The following RGPD4 variants were observed in gnomAD, a reference collection of about 807,000 sequenced individuals.
RGPD4 encodes the protein ranBP2-like and GRIP domain-containing protein 4.
RGPD4 carries 84 observed loss-of-function variants against 141.1 expected under a neutral mutation model. That is an observed-to-expected ratio of 0.60 (90% CI 0.50 to 0.71). The LOEUF (loss-of-function observed/expected upper bound fraction) is 0.71. Among genes scored for constraint, RGPD4 ranks in the 30% least tolerant of loss-of-function variants. RGPD4 has a pLI of 0.00. For synonymous variants in RGPD4, 298 were observed against 566.8 expected, an observed-to-expected ratio of 0.53 and a Z score of 6.74; for missense variants, 918 against 1,622.4, an observed-to-expected ratio of 0.57 and a Z score of 7.46.
At chr2:107,867,616 C>T (rs1418707529) in intron 18 of RGPD4, 1 of 633,430 alleles carries the variant, frequency 1.6e-6, no homozygotes, top group Non-Finnish European at 2.8e-6. Flanking sequence ...GTCATGATTT[C>T]CATTTCTTCT....
chr2:107,846,553 G>A (rs1272400771), intron 6 of RGPD4, among the ~76,000 whole-genome samples: 1 of 149,186 alleles, frequency 6.7e-6, no homozygotes, highest in African/African-American at 2.5e-5. Context: ...TGCAACCTCT[G>A]CTTCCCAGGT....
Position 107,859,522 on chromosome 2 carries a change from T to A in RGPD4, c.1602T>A (p.Asp534Glu), listed in dbSNP as rs1412183311. 1 of 1,611,424 alleles carries A rather than the reference T, an allele frequency of 6.2e-7. No individual in the cohort carries two copies. Among genetic ancestry groups the A allele is most frequent in the East Asian group, 2.2e-5 (1 of 44,868 alleles). The change falls in exon 11 of 23, where the codon GAT becomes GAA. Residue 534 changes from aspartate to glutamate, a missense_variant. By Grantham distance (45) the Asp-to-Glu change is conservative (BLOSUM62 2). Coordinates refer to ENST00000408999, the MANE Select transcript of RGPD4 (RefSeq NM_182588.3). Reference protein sequence around the residue: ...LCTERQKSWWDAVCTLIHRKA... With the variant: ...LCTERQKSWWEAVCTLIHRKA... Reference sequence around the variant, plus strand: ...CAGAAAGACAAAAATCTTGGTGGGATGCGGTTTGTACTCTGATTCACAGAA... The same window carrying A: ...CAGAAAGACAAAAATCTTGGTGGGAAGCGGTTTGTACTCTGATTCACAGAA...
At chr2:107,863,556 A>C (rs953736338) in intron 17 of RGPD4, among the ~76,000 whole-genome samples, 1 of 150,770 alleles carries the variant, frequency 6.6e-6, no homozygotes, top group Admixed American at 6.6e-5. Context: ...GCAGTGGTGC[A>C]ATCTTGGCTC....
rs9941564 is a variant in RGPD4 at position 107,861,622 on chromosome 2, C to A, written c.2087C>A (p.Ala696Glu). 421 of 1,610,398 alleles carry A rather than the reference C, an allele frequency of 2.6e-4. No homozygotes were observed. Among genetic ancestry groups the A allele is most frequent in the Admixed American group, 4.8e-4 (29 of 59,886 alleles). ...LIFHRKAEDI[A>E]NDALSPEEQE... ...TTTCACAGGAAGGCAGAAGACATTG[C>A]AAATGATGCCCTTTCTCCTGAAGAA... Residue 696 changes from alanine to glutamate, a missense_variant, in exon 15 of 23, where the codon GCA (alanine) becomes GAA (glutamate). Ala to Glu is a moderately radical substitution (Grantham distance 107). Transcript: ENST00000408999.
chr2:107,829,271 T>C lies in RGPD4; in HGVS notation c.72+2186T>C, dbSNP rs75471218. ...GCGCGCTCTGTTGAGGCGGCGGCCT[T>C]GACCCGGCCCGGCGGCGGCCTGGAT... is the stretch of plus-strand genomic sequence containing the variant. On this transcript the variant is annotated intron_variant, in intron 1 of 22. Transcript: ENST00000408999. Among the ~76,000 whole-genome samples, 57 of 20,516 alleles carry C rather than the reference T, an allele frequency of 2.8e-3. 6 individuals carry two copies. In the East Asian group the frequency reaches 0.031, roughly 11 times the overall value. 13.5% of individuals were successfully genotyped at this position (20,516 alleles called of 152,430 possible).
At chr2:107,869,605 ACTTTCTT>A (rs1188668002) in intron 18 of RGPD4, among the ~76,000 whole-genome samples, 1 of 144,092 alleles carries the variant, frequency 6.9e-6, no homozygotes, top group African/African-American at 2.6e-5. Flanking sequence ...GGCAACAGTT[ACTTTCTT>A]CTTTATTCCT....
Position 107,892,446 on chromosome 2 carries a change from T to C in RGPD4, c.*1715T>C, listed in dbSNP as rs1675676185. On this transcript the variant is annotated 3_prime_UTR_variant, in exon 23 of 23. Transcript: ENST00000408999. ...CATAACAAAATACTTTTTTGCATGA[T>C]AAAAAATTGATTACAAAAGGCATAT... is the stretch of plus-strand genomic sequence containing the variant. 9.6e-6 allele frequency among the ~76,000 whole-genome samples: 1 copy of C among 103,790 alleles called. No individual in the cohort carries two copies. Among genetic ancestry groups the C allele is most frequent in the South Asian group, 3.9e-4 (1 of 2,556 alleles). The allele number at this position is 103,790 out of a possible 152,430, so 68.1% of individuals were successfully genotyped here.
rs200519169 is a variant in RGPD4 at position 107,870,845 on chromosome 2, C to A, written c.2841C>A (p.Phe947Leu). The change falls in exon 20 of 23, where the codon TTC (phenylalanine) becomes TTA (leucine). Residue 947 changes from phenylalanine to leucine, a missense_variant. Transcript: ENST00000408999. ...SEKPLENDTGFQAQDISGQKN... is the reference protein window; with the variant it reads ...SEKPLENDTGLQAQDISGQKN... ...AGCCTCTTGAAAATGATACTGGCTT[C>A]CAGGCTCAGGATATTAGTGGCCAGA... 2.7e-4 allele frequency: 439 copies of A among 1,610,342 alleles called. 6 individuals carry two copies. Among genetic ancestry groups the A allele is most frequent in the Non-Finnish European group, 3.6e-4 (423 of 1,179,404 alleles).
rs1438880726 is a variant in RGPD4 at position 107,871,680 on chromosome 2, A to G, written c.3676A>G (p.Thr1226Ala). The G allele has an allele frequency of 3.7e-6, 6 of 1,609,462 alleles. No individual in the cohort carries two copies. Among genetic ancestry groups the G allele is most frequent in the Non-Finnish European group, 5.1e-6 (6 of 1,179,558 alleles). Residue 1226 changes from threonine (T) to alanine (A), a missense_variant, in exon 20 of 23, where the codon ACA (threonine) becomes GCA (alanine). Thr to Ala is a moderately conservative substitution (Grantham distance 58, BLOSUM62 0). Coordinates refer to ENST00000408999, the MANE Select transcript of RGPD4 (RefSeq NM_182588.3). Reference protein sequence around the residue: ...VTEEENKGSGTGAAGASDTTI... With the variant: ...VTEEENKGSGAGAAGASDTTI... Reference sequence around the variant, plus strand: ...TGAGGAAGAAAATAAGGGTTCAGGTACAGGTGCGGCCGGTGCCTCAGACAC... The same window carrying G: ...TGAGGAAGAAAATAAGGGTTCAGGTGCAGGTGCGGCCGGTGCCTCAGACAC...
chr2:107,872,038 T>G lies in RGPD4; in HGVS notation c.4034T>G (p.Val1345Gly). 6.2e-7 allele frequency: 1 copy of G among 1,611,522 alleles called. No homozygotes were observed. The highest frequency in any genetic ancestry group is 1.1e-5 in the South Asian group (1 of 90,978). Reference protein sequence around the residue: ...FEPVVPLPDLVEVSSGEENEK... With the variant: ...FEPVVPLPDLGEVSSGEENEK... ...CCTGTTGTTCCTTTACCTGATCTAG[T>G]TGAAGTATCCAGTGGTGAGGAAAAT... is the stretch of plus-strand genomic sequence containing the variant. Residue 1345 changes from valine (V) to glycine (G), a missense_variant, in exon 20 of 23, where the codon GTT becomes GGT. Val to Gly is a moderately radical substitution (Grantham distance 109). Transcript: ENST00000408999.
chr2:107,845,145 A>G (rs1386810539), intron 6 of RGPD4, among the ~76,000 whole-genome samples: 1 of 121,250 alleles, frequency 8.2e-6, no homozygotes, highest in African/African-American at 3.2e-5. Context: ...GGTTCAAGTG[A>G]TTCTCTTGTC....
chr2:107,862,977 CAGA>C lies in RGPD4; in HGVS notation c.2418_2420del (p.Glu806del), dbSNP rs1403232584. 5 of 1,584,012 alleles carry C rather than the reference CAGA, an allele frequency of 3.2e-6. No homozygotes were observed. The African/African-American group carries it at 7.4e-5, about 23-fold the overall frequency. ...TCTCCCAAAACACCACCTCGATGGG[CAGA>C]AGATCAGAATTCTTTACTGAAAATG... On this transcript the variant is annotated inframe_deletion, in exon 17 of 23. Coordinates refer to ENST00000408999, the MANE Select transcript of RGPD4 (RefSeq NM_182588.3).
intron 1 of RGPD4, among the ~76,000 whole-genome samples, chr2:107,829,734 C>G (rs533117979): frequency 4.5e-4 from 68 of 152,256 alleles, no homozygotes; most frequent in Admixed American, 3.5e-3. Flanking sequence ...TCCTCTTTCT[C>G]CCGGCTTGTT....
intron 1 of RGPD4, among the ~76,000 whole-genome samples, chr2:107,835,494 A>G (rs1017816480): frequency 6.8e-6 from 1 of 146,932 alleles, no homozygotes; most frequent in Non-Finnish European, 1.5e-5. Context: ...ACTGTAAAAT[A>G]CTGATCTGAT....
intron 22 of RGPD4, among the ~76,000 whole-genome samples, chr2:107,886,826 G>A (rs1675526761): frequency 6.6e-6 from 1 of 152,038 alleles, no homozygotes; most frequent in Non-Finnish European, 1.5e-5. Flanking sequence ...CTCCTTGGAA[G>A]CAAATGTTTA....
chr2:107,884,196 C>T (rs551064759), intron 22 of RGPD4, among the ~76,000 whole-genome samples: 8 of 152,058 alleles, frequency 5.3e-5, no homozygotes, highest in South Asian at 2.1e-4. Context: ...CTGCAACCTC[C>T]GCCTCCCGGA....
chr2:107,885,818 T>C (rs1393869033), intron 22 of RGPD4, among the ~76,000 whole-genome samples: 1 of 151,838 alleles, frequency 6.6e-6, no homozygotes, highest in African/African-American at 2.4e-5. Context: ...TTTGGGAGGC[T>C]GAGGAGGGTA....
At chr2:107,878,284 T>C (rs1382843671) in intron 20 of RGPD4, among the ~76,000 whole-genome samples, 1 of 151,578 alleles carries the variant, frequency 6.6e-6, no homozygotes, top group Non-Finnish European at 1.5e-5. Context: ...TTAAAAAAAA[T>C]CTAATAGGCC....
At position 107,882,745 on chromosome 2, in the gene RGPD4, T is replaced by G. The variant is rs1316302371; in HGVS notation, c.5138T>G (p.Leu1713Trp). 3.7e-6 allele frequency: 6 copies of G among 1,611,516 alleles called. No individual in the cohort carries two copies. The highest frequency in any genetic ancestry group is 5.1e-6 in the Non-Finnish European group (6 of 1,179,870). ...GAGTCTGCAGCTAACGTGGAACACT[T>G]GAAGAACGTCTTGCTGCAGTTCATT... is the stretch of plus-strand genomic sequence containing the variant. ...QEESAANVEHLKNVLLQFIFL... is the reference protein window; with the variant it reads ...QEESAANVEHWKNVLLQFIFL... The change falls in exon 22 of 23, where the codon TTG becomes TGG. Residue 1713 changes from leucine (L) to tryptophan (W), a missense_variant. Leu to Trp is a moderately conservative substitution (Grantham distance 61, BLOSUM62 -2). Coordinates refer to ENST00000408999, the MANE Select transcript of RGPD4 (RefSeq NM_182588.3).
Sources: allele counts gnomAD v4.1 joint callset (sites outside exome capture counted in the v4.1 genomes callset), GRCh38; gene constraint gnomAD v4.1.1; transcripts MANE v1.5; gene names NCBI Gene and HGNC (gene_info 2026-07-23, HGNC 2026-07-21).